Variants in UIMC1 observed in about 807,000 individuals in gnomAD.
UIMC1 encodes the protein ubiquitin interaction motif containing 1.
UIMC1 carries 42 observed loss-of-function variants against 84.9 expected under a neutral mutation model. That is an observed-to-expected ratio of 0.49 (90% CI 0.39 to 0.64). UIMC1 has a LOEUF of 0.64. Ranked by LOEUF, UIMC1 falls within the 30% of genes least tolerant of loss-of-function variation. The pLI, the probability that UIMC1 is intolerant of heterozygous loss-of-function variation, is 0.00. For synonymous variants in UIMC1, 281 were observed against 293.0 expected (o/e 0.96, Z 0.42); for missense variants, 825 against 847.6 (o/e 0.97, Z 0.33).
intron 1 of UIMC1, among the ~76,000 whole-genome samples, chr5:176,995,901 T>C (rs1773547129): frequency 6.6e-6 from 1 of 151,658 alleles, no homozygotes; most frequent in South Asian, 2.1e-4. Context: ...GGAAAACAGT[T>C]TGGGAGTTTC....
intron 3 of UIMC1, among the ~76,000 whole-genome samples, chr5:176,973,049 G>T (rs1357844129): frequency 6.6e-6 from 1 of 151,780 alleles, no homozygotes; most frequent in East Asian, 2.0e-4. Flanking sequence ...CGAAGTAGTT[G>T]GGATTATAGG....
chr5:176,941,970 A>G (rs1764494929), intron 10 of UIMC1, among the ~76,000 whole-genome samples: 1 of 151,990 alleles, frequency 6.6e-6, no homozygotes, highest in Non-Finnish European at 1.5e-5. Flanking sequence ...CAGCCTCCTG[A>G]GTAGCTGGGA....
chr5:177,005,926 G>A (rs1028551629), intron 1 of UIMC1, among the ~76,000 whole-genome samples: 3 of 152,198 alleles, frequency 2.0e-5, no homozygotes, highest in Non-Finnish European at 4.4e-5. Flanking sequence ...AGCCTGCGGC[G>A]CTGCCTAAGC....
At chr5:177,007,424 G>A (rs1209524937), upstream of UIMC1, among the ~76,000 whole-genome samples, 5 of 151,220 alleles carry the variant, frequency 3.3e-5, no homozygotes, top group African/African-American at 4.9e-5. Flanking sequence ...TGTTCAAGGA[G>A]GCCAGCTTCC....
chr5:176,988,732 G>A (rs574047033), intron 1 of UIMC1, among the ~76,000 whole-genome samples: 1 of 142,624 alleles, frequency 7.0e-6, no homozygotes, highest in African/African-American at 2.6e-5. Flanking sequence ...TTGCCAGGCT[G>A]GAGTGCAGTG....
At chr5:176,924,199 TC>T (rs1291440280) in intron 10 of UIMC1, among the ~76,000 whole-genome samples, 1 of 151,222 alleles carries the variant, frequency 6.6e-6, no homozygotes, top group African/African-American at 2.4e-5. Flanking sequence ...GTGCCTGTAA[TC>T]CCAGCTACTC....
At chr5:176,994,534 A>G (rs544457084) in intron 1 of UIMC1, among the ~76,000 whole-genome samples, 8 of 150,668 alleles carry the variant, frequency 5.3e-5, no homozygotes, top group East Asian at 2.0e-4. Context: ...AAAAAAAAGT[A>G]TAACTGTCAT....
intron 1 of UIMC1, among the ~76,000 whole-genome samples, chr5:176,984,112 C>A (rs1322785340): frequency 7.5e-6 from 1 of 132,560 alleles, no homozygotes. Context: ...TGCCCGGCCG[C>A]CCTGTCTGGA....
intron 1 of UIMC1, among the ~76,000 whole-genome samples, chr5:176,992,528 G>C (rs948665992): frequency 1.1e-4 from 16 of 150,902 alleles, no homozygotes; most frequent in African/African-American, 3.9e-4. Context: ...TTTTTAAATT[G>C]ATAAATTTGA....
At chr5:176,977,212 A>C (rs1470770244) in intron 2 of UIMC1, among the ~76,000 whole-genome samples, 1 of 147,096 alleles carries the variant, frequency 6.8e-6, no homozygotes, top group Non-Finnish European at 1.5e-5. Flanking sequence ...CAAGAGAGTA[A>C]GATTCTGTCT....
At chr5:176,978,101 G>T (rs1770427670) in intron 2 of UIMC1, among the ~76,000 whole-genome samples, 1 of 152,092 alleles carries the variant, frequency 6.6e-6, no homozygotes, top group African/African-American at 2.4e-5. Context: ...GCCGGGTGCG[G>T]TGACTCACGC....
At position 176,982,630 on chromosome 5, in the gene UIMC1, T is replaced by A; in HGVS notation, c.-8-7A>T. On this transcript the variant is annotated splice_region_variant and splice_polypyrimidine_tract_variant and intron_variant, in intron 1 of 14. Transcript: ENST00000511320. Reference sequence around the variant, plus strand: ...CTCCGTGGCATCCTTTTGTCTAGAATAAAAGGACAATAATTTTGTCTAGAA... The same window carrying A: ...CTCCGTGGCATCCTTTTGTCTAGAAAAAAAGGACAATAATTTTGTCTAGAA... 1 of 1,605,418 alleles carries A rather than the reference T, an allele frequency of 6.2e-7. No individual in the cohort carries two copies. Among genetic ancestry groups the A allele is most frequent in the South Asian group, 1.1e-5 (1 of 89,478 alleles).
intron 6 of UIMC1, among the ~76,000 whole-genome samples, chr5:176,964,246 C>A (rs1328275105): frequency 6.6e-6 from 1 of 152,212 alleles, no homozygotes; most frequent in Admixed American, 6.5e-5. Flanking sequence ...GGTAAAACTA[C>A]AATCACAGGA....
At chr5:176,959,524 A>G (rs192510715) in intron 6 of UIMC1, among the ~76,000 whole-genome samples, 1,576 of 148,676 alleles carry the variant, frequency 0.011, 10 homozygotes, top group South Asian at 0.023. Flanking sequence ...AGACCATCCC[A>G]GCTAAAACGG....
chr5:177,005,019 G>A (rs766538819), intron 1 of UIMC1, among the ~76,000 whole-genome samples: 13 of 151,942 alleles, frequency 8.6e-5, no homozygotes, highest in Non-Finnish European at 1.8e-4. Context: ...TCAGTTTCCC[G>A]AGAAGCTGGG....
rs752490138 is a variant in UIMC1 at position 176,982,592 on chromosome 5, A to G, written c.24T>C (p.Val8=). 9 of 1,613,876 alleles carry G rather than the reference A, an allele frequency of 5.6e-6. No individual in the cohort carries two copies. Among genetic ancestry groups the G allele is most frequent in the East Asian group, 2.2e-5 (1 of 44,876 alleles). ...GGTTCCGAGATTCGGAGACTTCTTT[A>G]ACTTTTTTCTTTCTCCGTGGCATCC... MPRRKKK[V]KEVSESRNLE... The change falls in exon 2 of 15, where the codon GTT becomes GTC. Residue 8 remains valine, a synonymous_variant. Transcript: ENST00000511320.
intron 10 of UIMC1, among the ~76,000 whole-genome samples, chr5:176,942,537 T>C (rs1764558795): frequency 6.9e-6 from 1 of 145,956 alleles, no homozygotes; most frequent in South Asian, 2.2e-4. Flanking sequence ...GGTCAGGAGA[T>C]GGAGACCATC....
At chr5:176,990,884 C>T (rs1219133182) in intron 1 of UIMC1, among the ~76,000 whole-genome samples, 1 of 152,044 alleles carries the variant, frequency 6.6e-6, no homozygotes, top group Non-Finnish European at 1.5e-5. Flanking sequence ...GTTGCCCAGG[C>T]TGGTCTTGAA....
intron 1 of UIMC1, among the ~76,000 whole-genome samples, chr5:177,005,212 T>G (rs1332462747): frequency 6.6e-6 from 1 of 151,836 alleles, no homozygotes. Flanking sequence ...TAGCTGAGAC[T>G]ATAGGCAGGC....
Sources: gnomAD v4.1 joint callset for allele counts (sites outside exome capture counted in the v4.1 genomes callset) on GRCh38, gnomAD v4.1.1 for gene constraint, MANE v1.5 for transcripts, NCBI Gene and HGNC (gene_info 2026-07-23, HGNC 2026-07-21) for gene names.